The following SULF1 variants were observed in gnomAD, a reference collection of about 807,000 sequenced individuals.
SULF1 encodes the protein sulfatase 1, also known as extracellular sulfatase Sulf-1.
SULF1 carries 46 observed loss-of-function variants against 110.5 expected under a neutral mutation model. The observed-to-expected ratio is 0.42, with a 90% confidence interval of 0.33 to 0.53. The LOEUF (loss-of-function observed/expected upper bound fraction) is 0.53. Among genes scored for constraint, SULF1 ranks in the 20% least tolerant of loss-of-function variants. The pLI, the probability that SULF1 is intolerant of heterozygous loss-of-function variation, is 0.12. For synonymous variants in SULF1, 371 were observed against 387.1 expected (o/e 0.96, Z 0.49); for missense variants, 941 against 1,094.2 (o/e 0.86, Z 1.98).
Position 69,603,196 on chromosome 8 carries a change from C to T in SULF1, c.1066C>T (p.Pro356Ser), listed in dbSNP as rs199804686. ...TCACCGTGTGCCCCTTTACAGAGTC[C>T]CACAGATCGTTCTCAACATTGACTT... ...GPSVEPGSIV[P>S]QIVLNIDLAP... Residue 356 changes from proline (P) to serine (S), a missense_variant, in exon 11 of 23, where the codon CCA becomes TCA. Physicochemically the swap from Pro to Ser is moderately conservative, Grantham distance 74. Coordinates refer to ENST00000402687, the MANE Select transcript of SULF1 (RefSeq NM_001128205.2). The T allele has an allele frequency of 6.2e-7, 1 of 1,614,146 alleles. No homozygotes were observed. Among genetic ancestry groups the T allele is most frequent in the African/African-American group, 1.3e-5 (1 of 75,032 alleles).
intron 3 of SULF1, among the ~76,000 whole-genome samples, chr8:69,543,191 C>T (rs1813980048): frequency 6.6e-6 from 1 of 152,040 alleles, no homozygotes; most frequent in South Asian, 2.1e-4. Flanking sequence ...AATTAAGCCC[C>T]TGGTTTTGTT....
chr8:69,567,425 AC>A (rs1171823089), intron 5 of SULF1, among the ~76,000 whole-genome samples: 1 of 152,000 alleles, frequency 6.6e-6, no homozygotes, highest in Non-Finnish European at 1.5e-5. Flanking sequence ...TTGGTGTGTA[AC>A]CCATCTCCAG....
intron 1 of SULF1, among the ~76,000 whole-genome samples, chr8:69,494,062 T>A (rs561086891): frequency 6.6e-6 from 1 of 152,158 alleles, no homozygotes; most frequent in South Asian, 2.1e-4. Context: ...TATAACTTGG[T>A]ATGCTATGAG....
chr8:69,493,448 T>TACACACACACAC (rs56867664), intron 1 of SULF1, among the ~76,000 whole-genome samples: 131 of 144,384 alleles, frequency 9.1e-4, no homozygotes, highest in African/African-American at 3.3e-3. Context: ...CACACAACAC[T>TACACACACACAC]ACACACACAC....
At chr8:69,644,160 A>C (rs1221757271) in intron 22 of SULF1, among the ~76,000 whole-genome samples, 1 of 152,162 alleles carries the variant, frequency 6.6e-6, no homozygotes, top group Non-Finnish European at 1.5e-5. Context: ...CATCTCCCCC[A>C]TAGTGACAGT....
At chr8:69,509,541 G>C (rs1243247005) in intron 3 of SULF1, among the ~76,000 whole-genome samples, 2 of 152,194 alleles carry the variant, frequency 1.3e-5, no homozygotes, top group Admixed American at 1.3e-4. Context: ...TTTAGGATTA[G>C]AAAAAATTTC....
intron 3 of SULF1, among the ~76,000 whole-genome samples, chr8:69,502,690 C>CTTTTTTTTTTTTT (rs765285613): frequency 7.9e-6 from 1 of 125,912 alleles, no homozygotes; most frequent in African/African-American, 3.0e-5. Flanking sequence ...CTTTTTTTTT[C>CTTTTTTTTTTTTT]TTTTTTTTTT....
intron 1 of SULF1, among the ~76,000 whole-genome samples, chr8:69,487,599 T>C (rs1466379682): frequency 6.6e-6 from 1 of 152,232 alleles, no homozygotes. Context: ...AGAGGTCTGA[T>C]GAGCAACAGA....
intron 5 of SULF1, among the ~76,000 whole-genome samples, chr8:69,573,476 T>C (rs1212932453): frequency 1.3e-5 from 2 of 152,218 alleles, no homozygotes; most frequent in Admixed American, 6.5e-5. Flanking sequence ...ATTCAGAACC[T>C]TGGATGATGG....
intron 1 of SULF1, among the ~76,000 whole-genome samples, chr8:69,479,471 G>A (rs1809430096): frequency 1.3e-5 from 2 of 152,078 alleles, no homozygotes; most frequent in African/African-American, 2.4e-5. Flanking sequence ...CTCATTTGTA[G>A]GACAATTAGC....
At chr8:69,633,712 C>T (rs1054232814) in intron 19 of SULF1, among the ~76,000 whole-genome samples, 1 of 151,864 alleles carries the variant, frequency 6.6e-6, no homozygotes, top group Non-Finnish European at 1.5e-5. Context: ...ATTTGCAGAA[C>T]GTGCAGTTTT....
At position 69,589,759 on chromosome 8, in the gene SULF1, C is replaced by G. The variant is rs1806756300; in HGVS notation, c.734+618C>G. Among the ~76,000 whole-genome samples, 4 of 151,982 alleles carry G rather than the reference C, an allele frequency of 2.6e-5. No individual in the cohort carries two copies. In the South Asian group the frequency reaches 8.3e-4, roughly 31 times the overall value. On this transcript the variant is annotated intron_variant, in intron 8 of 22. Transcript: ENST00000402687. ...GATGGCGTGGAGGGATGAGACAGAACAAAGAGCTGTCGTGTGCCCACAATT... is the reference window on the plus strand; with the variant it reads ...GATGGCGTGGAGGGATGAGACAGAAGAAAGAGCTGTCGTGTGCCCACAATT...
chr8:69,654,484 G>T (rs1453185486), intron 22 of SULF1, among the ~76,000 whole-genome samples: 1 of 152,188 alleles, frequency 6.6e-6, no homozygotes, highest in Non-Finnish European at 1.5e-5. Flanking sequence ...CCCCAGTTTT[G>T]CCAGATGGGG....
chr8:69,471,995 A>AAGAGAGAG (rs565992830), intron 1 of SULF1, among the ~76,000 whole-genome samples: 2 of 125,076 alleles, frequency 1.6e-5, no homozygotes, highest in South Asian at 4.7e-4. Flanking sequence ...AAGGGAGAGA[A>AAGAGAGAG]AGTGAGAGAG....
chr8:69,540,607 T>C (rs937974709), intron 3 of SULF1, among the ~76,000 whole-genome samples: 3 of 152,220 alleles, frequency 2.0e-5, no homozygotes, highest in African/African-American at 7.2e-5. Flanking sequence ...AGAGACAAGC[T>C]GTTTCTGCCT....
chr8:69,494,884 G>GAAA (rs59596365), intron 1 of SULF1, among the ~76,000 whole-genome samples: 2 of 109,692 alleles, frequency 1.8e-5, no homozygotes, highest in African/African-American at 3.1e-5. Context: ...TATCTCAAAG[G>GAAA]AAAAAAAAAA....
chr8:69,657,464 T>C (rs747201091), intron 22 of SULF1, among the ~76,000 whole-genome samples: 1 of 152,234 alleles, frequency 6.6e-6, no homozygotes, highest in Non-Finnish European at 1.5e-5. Flanking sequence ...CTTTACAGTA[T>C]TTTATGCAAA....
intron 21 of SULF1, among the ~76,000 whole-genome samples, chr8:69,639,419 A>G (rs1421060879): frequency 1.3e-5 from 2 of 152,260 alleles, no homozygotes. Flanking sequence ...GAATGGAATC[A>G]GCCAGATGTT....
At position 69,628,068 on chromosome 8, in the gene SULF1, A is replaced by T. The variant is rs1449886649; in HGVS notation, c.2043-103A>T. On this transcript the variant is annotated intron_variant, in intron 17 of 22. Coordinates refer to ENST00000402687, the MANE Select transcript of SULF1 (RefSeq NM_001128205.2). ...CACATTCAGCTAAAATACTTACAACATCACTGCCTTCCTTCTTTCTATTTT... is the reference window on the plus strand; with the variant it reads ...CACATTCAGCTAAAATACTTACAACTTCACTGCCTTCCTTCTTTCTATTTT... 19 of 1,034,728 alleles carry T rather than the reference A, an allele frequency of 1.8e-5. No homozygotes were observed. In the East Asian group the frequency reaches 2.4e-4, roughly 13 times the overall value. 64.1% of individuals were successfully genotyped at this position (1,034,728 alleles called of 1,614,324 possible). A position where few individuals can be genotyped will look rare whatever the true frequency, so the allele number is the denominator to read the frequency against.
Sources: allele counts gnomAD v4.1 joint callset (sites outside exome capture counted in the v4.1 genomes callset), GRCh38; gene constraint gnomAD v4.1.1; transcripts MANE v1.5; gene names NCBI Gene and HGNC (gene_info 2026-07-23, HGNC 2026-07-21).